SLC25A21: variants seen among roughly 807,000 people sequenced by gnomAD.
SLC25A21 encodes mitochondrial 2-oxodicarboxylate carrier.
A neutral mutation model predicts 43.8 loss-of-function variants in SLC25A21; 47 were observed. The observed-to-expected ratio is 1.07, with a 90% confidence interval of 0.85 to 1.37. The LOEUF (loss-of-function observed/expected upper bound fraction) is 1.37, where lower values mean the gene tolerates loss of function less well. Among genes scored for constraint, SLC25A21 ranks in the 40% most tolerant of loss-of-function variants. SLC25A21 has a pLI of 0.00. For missense variants in SLC25A21, 352 were observed against 350.2 expected (o/e 1.00, Z -0.04); for synonymous variants, 131 against 121.3 (o/e 1.08, Z -0.52).
intron 1 of SLC25A21, among the ~76,000 whole-genome samples, chr14:36,919,860 C>CA (rs1011593368): frequency 6.6e-6 from 1 of 151,968 alleles, no homozygotes; most frequent in Non-Finnish European, 1.5e-5. Context: ...GACAAAAAGA[C>CA]AAATAATGGT....
intron 3 of SLC25A21, among the ~76,000 whole-genome samples, chr14:36,775,191 AG>A: frequency 6.6e-6 from 1 of 152,222 alleles, no homozygotes; most frequent in Non-Finnish European, 1.5e-5. Context: ...ACTTATAAAA[AG>A]AAGTATGTTC....
At chr14:36,977,777 T>C (rs1163479440) in intron 1 of SLC25A21, among the ~76,000 whole-genome samples, 1 of 152,150 alleles carries the variant, frequency 6.6e-6, no homozygotes, top group Non-Finnish European at 1.5e-5. Context: ...TTTTCAAAGC[T>C]GAAAAAGATT....
intron 1 of SLC25A21, among the ~76,000 whole-genome samples, chr14:36,911,783 A>G (rs1891693113): frequency 6.6e-6 from 1 of 152,100 alleles, no homozygotes; most frequent in African/African-American, 2.4e-5. Flanking sequence ...AGCCCAGGCA[A>G]CCCACAGAAT....
intron 6 of SLC25A21, among the ~76,000 whole-genome samples, chr14:36,718,986 T>A (rs1227280779): frequency 6.6e-6 from 1 of 152,064 alleles, no homozygotes; most frequent in Non-Finnish European, 1.5e-5. Context: ...AGATAAAAAA[T>A]GACAGAGTAG....
At chr14:37,126,197 G>A (rs946983020) in intron 1 of SLC25A21, among the ~76,000 whole-genome samples, 4 of 152,174 alleles carry the variant, frequency 2.6e-5, no homozygotes, top group Admixed American at 2.6e-4. Flanking sequence ...CATAAACAAG[G>A]ACTGATTTGA....
chr14:37,025,742 CTG>C (rs1961078939), intron 1 of SLC25A21, among the ~76,000 whole-genome samples: 2 of 151,684 alleles, frequency 1.3e-5, no homozygotes, highest in South Asian at 4.2e-4. Context: ...ATTAAATTGA[CTG>C]TGAAAAGGCT....
chr14:37,007,002 A>G (rs574584374), intron 1 of SLC25A21, among the ~76,000 whole-genome samples: 6 of 152,314 alleles, frequency 3.9e-5, no homozygotes, highest in African/African-American at 1.4e-4. Context: ...ACTTTTTTCT[A>G]CAATATCAAT....
intron 1 of SLC25A21, among the ~76,000 whole-genome samples, chr14:37,035,250 A>G (rs1295672480): frequency 6.6e-6 from 1 of 152,328 alleles, no homozygotes; most frequent in African/African-American, 2.4e-5. Flanking sequence ...TCAGTCCTCT[A>G]GCGCTGCTTA....
intron 1 of SLC25A21, among the ~76,000 whole-genome samples, chr14:37,168,608 G>A (rs1368173106): frequency 6.6e-6 from 1 of 151,628 alleles, no homozygotes; most frequent in Admixed American, 6.6e-5. Flanking sequence ...CTAATGCTGG[G>A]TTATTTTTAG....
chr14:37,099,909 A>C (rs1358981594), intron 1 of SLC25A21, among the ~76,000 whole-genome samples: 1 of 152,082 alleles, frequency 6.6e-6, no homozygotes, highest in Admixed American at 6.5e-5. Context: ...TTTATATTTA[A>C]AATTAAATTT....
At chr14:36,776,226 C>CTTTTTTTTT (rs1227806836) in intron 3 of SLC25A21, among the ~76,000 whole-genome samples, 5 of 48,132 alleles carry the variant, frequency 1.0e-4, no homozygotes, top group Admixed American at 2.6e-4. Flanking sequence ...TTTTCTTTTT[C>CTTTTTTTTT]TTTCTTTCTT....
At chr14:37,122,300 T>G (rs544212920) in intron 1 of SLC25A21, among the ~76,000 whole-genome samples, 29 of 152,342 alleles carry the variant, frequency 1.9e-4, no homozygotes, top group Admixed American at 9.8e-4. Flanking sequence ...TTTTCATGTC[T>G]AAATTCTTTA....
chr14:37,060,237 C>T (rs1961915942), intron 1 of SLC25A21, among the ~76,000 whole-genome samples: 1 of 151,928 alleles, frequency 6.6e-6, no homozygotes. Context: ...GGAGTGCCCA[C>T]ACCAGAATCC....
chr14:37,153,128 T>C (rs1963787475), intron 1 of SLC25A21, among the ~76,000 whole-genome samples: 1 of 152,134 alleles, frequency 6.6e-6, no homozygotes, highest in East Asian at 1.9e-4. Context: ...GGAGAGCCCC[T>C]TGACCATCCC....
At chr14:37,002,823 T>C (rs190898947) in intron 1 of SLC25A21, among the ~76,000 whole-genome samples, 2 of 152,288 alleles carry the variant, frequency 1.3e-5, no homozygotes, top group Admixed American at 1.3e-4. Context: ...TTCCAGTAAC[T>C]CCACAGTTCA....
intron 1 of SLC25A21, among the ~76,000 whole-genome samples, chr14:37,149,448 T>C (rs565867630): frequency 3.3e-5 from 5 of 151,462 alleles, no homozygotes; most frequent in Non-Finnish European, 7.4e-5. Flanking sequence ...AACTGCTCCA[T>C]CAAAAAAAAA....
At chr14:36,871,785 T>C (rs1890379858) in intron 2 of SLC25A21, among the ~76,000 whole-genome samples, 1 of 151,992 alleles carries the variant, frequency 6.6e-6, no homozygotes, top group South Asian at 2.1e-4. Flanking sequence ...ACCCAAACCT[T>C]ACTTCACAAT....
At chr14:36,907,015 T>A (rs1045962856) in intron 1 of SLC25A21, among the ~76,000 whole-genome samples, 1 of 152,076 alleles carries the variant, frequency 6.6e-6, no homozygotes, top group African/African-American at 2.4e-5. Flanking sequence ...TTGGGGATCA[T>A]TGGAAAAATG....
chr14:36,841,212 A>T (rs889249630), intron 2 of SLC25A21, among the ~76,000 whole-genome samples: 3 of 152,196 alleles, frequency 2.0e-5, no homozygotes, highest in African/African-American at 7.2e-5. Context: ...ATCCTCTTTT[A>T]AAAAAATCTA....
Sources: allele counts gnomAD v4.1 joint callset (sites outside exome capture counted in the v4.1 genomes callset), GRCh38; gene constraint gnomAD v4.1.1; transcripts MANE v1.5; gene names NCBI Gene and HGNC (gene_info 2026-07-23, HGNC 2026-07-21).